Variants in EYS observed in about 807,000 individuals in gnomAD.
EYS encodes EGF-like photoreceptor maintenance factor.
Under a neutral mutation model 282.1 loss-of-function variants are expected in EYS, and 250 were observed. The observed-to-expected ratio is 0.89, with a 90% CI of 0.80 to 0.98. The LOEUF is 0.98. Ranked by LOEUF, EYS falls within the 50% of genes least tolerant of loss-of-function variation. The probability of loss-of-function intolerance (pLI) is 0.00; values close to 1 mark genes in which losing one functional copy is unlikely to be tolerated. For synonymous variants in EYS, 1,355 were observed against 1,282.9 expected (o/e 1.06, Z -1.20); for missense variants, 4,016 against 3,709.0 (o/e 1.08, Z -2.15).
At chr6:64,945,052 G>A (rs1769235242) in intron 15 of EYS, among the ~76,000 whole-genome samples, 1 of 151,112 alleles carries the variant, frequency 6.6e-6, no homozygotes, top group Non-Finnish European at 1.5e-5. Context: ...AAAAGCTGAG[G>A]GAACTCAGAG....
intron 33 of EYS, among the ~76,000 whole-genome samples, chr6:64,036,276 G>A (rs1346229304): frequency 2.0e-5 from 3 of 152,142 alleles, no homozygotes; most frequent in Admixed American, 1.3e-4. Context: ...TGGAGTTTGG[G>A]TGCAGAATGG....
intron 32 of EYS, among the ~76,000 whole-genome samples, chr6:64,080,053 G>C (rs1194120089): frequency 6.6e-6 from 1 of 152,174 alleles, no homozygotes; most frequent in Non-Finnish European, 1.5e-5. Flanking sequence ...CTTTATAGCA[G>C]CATGATTTAT....
chr6:64,775,438 C>T (rs374837121), intron 22 of EYS, among the ~76,000 whole-genome samples: 2 of 152,042 alleles, frequency 1.3e-5, no homozygotes, highest in East Asian at 1.9e-4. Context: ...AACCACCGCA[C>T]GGCAAGTTAT....
At chr6:65,617,926 C>A (rs62407727) in intron 2 of EYS, among the ~76,000 whole-genome samples, 12,038 of 151,746 alleles carry the variant, frequency 0.079, 430 homozygotes, top group South Asian at 0.14. Flanking sequence ...TGTATATGTG[C>A]CACATTTTCT....
At chr6:65,111,797 A>G (rs1775220552) in intron 12 of EYS, among the ~76,000 whole-genome samples, 1 of 152,202 alleles carries the variant, frequency 6.6e-6, no homozygotes, top group South Asian at 2.1e-4. Context: ...CAGTGATTCA[A>G]GATTGCACCA....
chr6:65,125,289 T>G lies in EYS; in HGVS notation c.2024-67562A>C, dbSNP rs547564459. Among the ~76,000 whole-genome samples the G allele has an allele frequency of 1.9e-4, 29 of 152,342 alleles. No homozygotes were observed. The South Asian group carries it at 6.0e-3, about 32-fold the overall frequency. On this transcript the variant is annotated intron_variant, in intron 12 of 42. Transcript: ENST00000503581. ...GAAGCAAAGCCAATGTCATTAGGAT[T>G]GTTCAGTGTAGACAATTCATCTATA...
intron 23 of EYS, among the ~76,000 whole-genome samples, chr6:64,624,393 G>A (rs1190388673): frequency 3.3e-5 from 5 of 152,092 alleles, no homozygotes; most frequent in Admixed American, 1.3e-4. Context: ...TGTTTCTGTA[G>A]AATTTATTGT....
At chr6:65,491,401 G>C in intron 4 of EYS, 1 of 313,998 alleles carries the variant, frequency 3.2e-6, no homozygotes, top group South Asian at 2.8e-5. Context: ...CATAGCAAGT[G>C]GACAAATGCT....
chr6:65,400,536 C>T (rs184601356), intron 7 of EYS, among the ~76,000 whole-genome samples: 2 of 151,912 alleles, frequency 1.3e-5, no homozygotes, highest in East Asian at 3.9e-4. Context: ...CCCATAGACA[C>T]CTAAAGCTTT....
chr6:64,372,169 C>T (rs1205258459), intron 29 of EYS, among the ~76,000 whole-genome samples: 3 of 92,634 alleles, frequency 3.2e-5, no homozygotes, highest in Non-Finnish European at 5.8e-5. Flanking sequence ...TTGTAGTGGC[C>T]AGGAATGGTC....
intron 19 of EYS, among the ~76,000 whole-genome samples, chr6:64,885,841 T>C (rs1767068788): frequency 6.6e-6 from 1 of 151,786 alleles, no homozygotes; most frequent in Non-Finnish European, 1.5e-5. Context: ...TTCCTTTCCA[T>C]TTTTGCTTGC....
At chr6:64,034,698 A>C (rs1392346916) in intron 33 of EYS, among the ~76,000 whole-genome samples, 1 of 152,188 alleles carries the variant, frequency 6.6e-6, no homozygotes, top group Non-Finnish European at 1.5e-5. Flanking sequence ...GTACTATGCT[A>C]TGCTGTCTTA....
chr6:64,722,893 T>C (rs897633015), intron 22 of EYS, among the ~76,000 whole-genome samples: 2 of 152,180 alleles, frequency 1.3e-5, no homozygotes, highest in Admixed American at 6.6e-5. Flanking sequence ...ATTCGCCTGA[T>C]GTTATGCTAG....
chr6:65,523,813 T>C (rs1767459892), intron 2 of EYS, among the ~76,000 whole-genome samples: 1 of 152,152 alleles, frequency 6.6e-6, no homozygotes, highest in African/African-American at 2.4e-5. Flanking sequence ...TTTGCTGAGT[T>C]AGTGTTTCTC....
rs552373915 is a variant in EYS at position 64,468,371 on chromosome 6, C to T, written c.5645-29019G>A. 5.9e-5 allele frequency among the ~76,000 whole-genome samples: 9 copies of T among 152,316 alleles called. No individual in the cohort carries two copies. The South Asian group carries it at 8.3e-4, about 14-fold the overall frequency. ...AAATACATTTTTGGGAAATGTCTTT[C>T]CTTATGAACACCAATCCAAACAATT... On this transcript the variant is annotated intron_variant, in intron 26 of 42. Coordinates refer to ENST00000503581, the MANE Select transcript of EYS (RefSeq NM_001142800.2).
At chr6:64,363,044 C>T (rs1052164126) in intron 29 of EYS, among the ~76,000 whole-genome samples, 4 of 150,972 alleles carry the variant, frequency 2.6e-5, no homozygotes, top group African/African-American at 9.7e-5. Flanking sequence ...ACTACTGCAG[C>T]CTTGGTCTCC....
intron 30 of EYS, among the ~76,000 whole-genome samples, chr6:64,298,475 TA>T (rs1769117671): frequency 6.6e-6 from 1 of 152,084 alleles, no homozygotes; most frequent in African/African-American, 2.4e-5. Flanking sequence ...AAACTCAACT[TA>T]GAGTGTTAAT....
intron 1 of EYS, among the ~76,000 whole-genome samples, chr6:65,697,951 A>C (rs1426713668): frequency 6.6e-6 from 1 of 152,158 alleles, no homozygotes; most frequent in African/African-American, 2.4e-5. Context: ...AAAATATACA[A>C]AGTAACAAAT....
At chr6:65,477,269 C>G (rs1022860746) in intron 5 of EYS, among the ~76,000 whole-genome samples, 1 of 152,134 alleles carries the variant, frequency 6.6e-6, no homozygotes, top group African/African-American at 2.4e-5. Flanking sequence ...CCCCATAAAA[C>G]ACATTTCTAA....
Sources: allele counts gnomAD v4.1 joint callset (sites outside exome capture counted in the v4.1 genomes callset), GRCh38; gene constraint gnomAD v4.1.1; transcripts MANE v1.5; gene names NCBI Gene and HGNC (gene_info 2026-07-23, HGNC 2026-07-21).